The following GULP1 variants were observed in gnomAD, a reference collection of about 807,000 sequenced individuals.
GULP1 encodes PTB domain-containing engulfment adapter protein 1.
A neutral mutation model predicts 40.9 loss-of-function variants in GULP1; 19 were observed. The ratio of observed to expected loss-of-function variants is 0.46; its 90% CI spans 0.32 to 0.68. The LOEUF is 0.68. GULP1 is among the 30% of genes least tolerant of loss of function. The pLI is 0.03. For missense variants in GULP1, 312 were observed against 362.2 expected (o/e 0.86, Z 1.12); for synonymous variants, 119 against 117.6 (o/e 1.01, Z -0.08).
intron 2 of GULP1, among the ~76,000 whole-genome samples, chr2:188,457,839 C>T (rs1287332271): frequency 1.3e-5 from 2 of 152,172 alleles, no homozygotes; most frequent in Non-Finnish European, 2.9e-5. Context: ...CATGCATTCC[C>T]TCATACAACC....
intron 4 of GULP1, among the ~76,000 whole-genome samples, chr2:188,497,320 G>A (rs1261679884): frequency 2.6e-5 from 4 of 151,900 alleles, no homozygotes; most frequent in East Asian, 1.9e-4. Context: ...ACTAAAAATT[G>A]CAAAGAATGC....
At chr2:188,408,349 T>C (rs1462018446) in intron 2 of GULP1, among the ~76,000 whole-genome samples, 2 of 152,090 alleles carry the variant, frequency 1.3e-5, no homozygotes, top group Admixed American at 6.6e-5. Flanking sequence ...TAACAGAAAA[T>C]GGACTAGGAC....
Position 188,475,824 on chromosome 2 carries a change from G to T in GULP1, c.-44-1835G>T, listed in dbSNP as rs956136594. Among the ~76,000 whole-genome samples, 3 of 151,926 alleles carry T rather than the reference G, an allele frequency of 2.0e-5. 1 individual carries two copies. Among genetic ancestry groups the T allele is most frequent in the African/African-American group, 7.3e-5 (3 of 41,352 alleles). On this transcript the variant is annotated intron_variant, in intron 2 of 11. Transcript: ENST00000409830. ...AATATATTATATTCTCTGTTGTGTT[G>T]TATTCCATTATGTATATACAGTCTG...
intron 1 of GULP1, among the ~76,000 whole-genome samples, chr2:188,367,506 T>C (rs2152417864): frequency 6.6e-6 from 1 of 152,326 alleles, no homozygotes; most frequent in South Asian, 2.1e-4. Flanking sequence ...GTATTTAATA[T>C]GTAGACACCT....
At chr2:188,533,672 C>T (rs2153270765) in intron 6 of GULP1, among the ~76,000 whole-genome samples, 1 of 152,218 alleles carries the variant, frequency 6.6e-6, no homozygotes, top group South Asian at 2.1e-4. Context: ...GCAAAAGAAA[C>T]TATGAACAGG....
intron 6 of GULP1, among the ~76,000 whole-genome samples, chr2:188,529,595 C>T (rs143235046): frequency 1.5e-3 from 231 of 152,090 alleles, no homozygotes; most frequent in African/African-American, 5.3e-3. Flanking sequence ...TAGTTTTTTA[C>T]GGAGGCTGAA....
At chr2:188,389,185 C>G (rs1235812493) in intron 2 of GULP1, among the ~76,000 whole-genome samples, 1 of 152,100 alleles carries the variant, frequency 6.6e-6, no homozygotes, top group African/African-American at 2.4e-5. Context: ...ATTTGTTTGG[C>G]TTTGAACACT....
chr2:188,590,625 G>A (rs1703366199), intron 11 of GULP1: 1 of 152,158 alleles, frequency 6.6e-6, no homozygotes, highest in Admixed American at 6.6e-5. Context: ...CCATATTTCA[G>A]TATAAGCAGT....
intron 1 of GULP1, among the ~76,000 whole-genome samples, chr2:188,370,826 A>G (rs1415011429): frequency 6.6e-6 from 1 of 152,106 alleles, no homozygotes; most frequent in East Asian, 1.9e-4. Flanking sequence ...AAGAGAATAT[A>G]CTTTCAAATG....
At chr2:188,365,034 G>T (rs1455601631) in intron 1 of GULP1, among the ~76,000 whole-genome samples, 1 of 152,060 alleles carries the variant, frequency 6.6e-6, no homozygotes, top group Non-Finnish European at 1.5e-5. Context: ...AGTGATCTAA[G>T]TTCTGGAGGC....
intron 2 of GULP1, among the ~76,000 whole-genome samples, chr2:188,392,351 T>G (rs1308667482): frequency 6.6e-6 from 1 of 152,114 alleles, no homozygotes; most frequent in African/African-American, 2.4e-5. Flanking sequence ...TTTTCAGGAA[T>G]TTGTCCATTT....
At chr2:188,373,299 A>C (rs1000499335) in intron 1 of GULP1, among the ~76,000 whole-genome samples, 6 of 151,934 alleles carry the variant, frequency 3.9e-5, no homozygotes, top group Admixed American at 3.3e-4. Flanking sequence ...CTGAGGGAGC[A>C]ATGAAGAAAA....
At chr2:188,426,011 A>G (rs139520232) in intron 2 of GULP1, among the ~76,000 whole-genome samples, 142 of 152,294 alleles carry the variant, frequency 9.3e-4, no homozygotes, top group Admixed American at 7.3e-3. Flanking sequence ...AGGAAGCCCT[A>G]AGAACATATG....
At chr2:188,433,744 A>G (rs756530749) in intron 2 of GULP1, among the ~76,000 whole-genome samples, 7 of 151,998 alleles carry the variant, frequency 4.6e-5, no homozygotes, top group African/African-American at 9.7e-5. Flanking sequence ...CAAATATTCA[A>G]AGAGGTTTTT....
intron 4 of GULP1, among the ~76,000 whole-genome samples, chr2:188,500,623 A>G (rs537321135): frequency 4.6e-5 from 7 of 152,074 alleles, no homozygotes; most frequent in South Asian, 2.1e-4. Flanking sequence ...CAGTTTTCCA[A>G]TGAAATAGAA....
intron 1 of GULP1, among the ~76,000 whole-genome samples, chr2:188,373,208 A>G (rs536230667): frequency 4.7e-4 from 71 of 152,040 alleles, no homozygotes; most frequent in African/African-American, 1.7e-3. Context: ...CTAGAGAGGA[A>G]TCAAGTACCT....
chr2:188,473,368 C>T (rs577671957), intron 2 of GULP1, among the ~76,000 whole-genome samples: 1 of 152,314 alleles, frequency 6.6e-6, no homozygotes, highest in South Asian at 2.1e-4. Context: ...ATTCAGGGCA[C>T]TGTGTTATCC....
chr2:188,388,916 A>T (rs1191165381), intron 2 of GULP1, among the ~76,000 whole-genome samples: 1 of 152,242 alleles, frequency 6.6e-6, no homozygotes, highest in Admixed American at 6.5e-5. Context: ...CCCCAAAAAC[A>T]TTAAGTCTGA....
At chr2:188,494,736 C>G (rs1270362796) in intron 4 of GULP1, among the ~76,000 whole-genome samples, 1 of 152,074 alleles carries the variant, frequency 6.6e-6, no homozygotes, top group East Asian at 1.9e-4. Context: ...CTATTCCTCT[C>G]TCCTTAGCGT....
Sources: allele counts gnomAD v4.1 joint callset (sites outside exome capture counted in the v4.1 genomes callset), GRCh38; gene constraint gnomAD v4.1.1; transcripts MANE v1.5; gene names NCBI Gene and HGNC (gene_info 2026-07-23, HGNC 2026-07-21).